HEPHL1: variants seen among roughly 807,000 people sequenced by gnomAD.
HEPHL1 encodes ferroxidase HEPHL1.
HEPHL1 carries 123 observed loss-of-function variants against 122.0 expected under a neutral mutation model. That is an observed-to-expected ratio of 1.01 (90% CI 0.87 to 1.17). The LOEUF (loss-of-function observed/expected upper bound fraction) is 1.17, where lower values mean the gene tolerates loss of function less well. Among genes scored for constraint, HEPHL1 ranks in the 50% most tolerant of loss-of-function variants. The pLI is 0.00. For synonymous variants in HEPHL1, 527 were observed against 508.9 expected, an observed-to-expected ratio of 1.04 and a Z score of -0.48; for missense variants, 1,452 against 1,430.5, an observed-to-expected ratio of 1.01 and a Z score of -0.24.
At chr11:94,103,124 T>A (rs894470688) in intron 15 of HEPHL1, 104 bp downstream of exon 15, 4 of 715,416 alleles carry the variant, frequency 5.6e-6, no homozygotes, top group Non-Finnish European at 1.0e-5. Flanking sequence ...GTATAATGAT[T>A]TAGAGCAAGG....
chr11:94,046,314 T>G (rs1015929595), intron 2 of HEPHL1, among the ~76,000 whole-genome samples: 5 of 151,114 alleles, frequency 3.3e-5, no homozygotes, highest in Non-Finnish European at 7.4e-5. Flanking sequence ...GCCAAGCTGG[T>G]CTCAACCTCC....
At chr11:94,065,331 T>C (rs1321502060) in intron 4 of HEPHL1, among the ~76,000 whole-genome samples, 2 of 152,214 alleles carry the variant, frequency 1.3e-5, no homozygotes, top group African/African-American at 4.8e-5. Context: ...CTGAAGATCA[T>C]CTAACGTCTC....
At chr11:94,035,368 C>T (rs1222510238) in intron 1 of HEPHL1, among the ~76,000 whole-genome samples, 1 of 152,182 alleles carries the variant, frequency 6.6e-6, no homozygotes, top group African/African-American at 2.4e-5. Flanking sequence ...AACATCTAGC[C>T]CAGTACTTTG....
At chr11:94,073,737 AC>A (rs1565355256) in intron 8 of HEPHL1, among the ~76,000 whole-genome samples, 1 of 152,098 alleles carries the variant, frequency 6.6e-6, no homozygotes, top group East Asian at 1.9e-4. Flanking sequence ...AAAGTAAGCT[AC>A]TTTCACAGTC....
In HEPHL1 at chr11:94,056,146, T is replaced by C. The variant is rs531833609; in HGVS notation, c.416-7362T>C. Among the ~76,000 whole-genome samples, 45 of 152,344 alleles carry C rather than the reference T, an allele frequency of 3.0e-4. 1 individual carries two copies. The South Asian group carries it at 9.3e-3, about 32-fold the overall frequency. On this transcript the variant is annotated intron_variant, in intron 2 of 19. Transcript: ENST00000315765. Reference sequence around the variant, plus strand: ...CGCGACAAAATATCTTTGTCTCTAATAGCATTTCTTGTCTTAAAATCTATT... The same window carrying C: ...CGCGACAAAATATCTTTGTCTCTAACAGCATTTCTTGTCTTAAAATCTATT...
intron 14 of HEPHL1, 102 bp downstream of exon 14, chr11:94,101,437 T>A: frequency 8.5e-7 from 1 of 1,172,642 alleles, no homozygotes; most frequent in Non-Finnish European, 1.2e-6. Flanking sequence ...AATGTCAATG[T>A]GTTTCAGCCA....
intron 1 of HEPHL1, among the ~76,000 whole-genome samples, chr11:94,044,925 A>AT (rs200512814): frequency 2.0e-5 from 3 of 151,246 alleles, no homozygotes; most frequent in East Asian, 2.0e-4. Flanking sequence ...ATGCCTGGCT[A>AT]TTTTTTTTAA....
At chr11:94,098,409 T>A (rs570710687) in intron 13 of HEPHL1, among the ~76,000 whole-genome samples, 9 of 152,344 alleles carry the variant, frequency 5.9e-5, no homozygotes, top group Admixed American at 5.2e-4. Flanking sequence ...CTTCCCTTTG[T>A]GGGTAACCCG....
chr11:94,074,441 G>GA lies in HEPHL1; in HGVS notation c.1505-726dup, dbSNP rs566084396. On this transcript the variant is annotated intron_variant, in intron 8 of 19. Transcript: ENST00000315765. ...GACCTTGTCTCTTAAAAAAATAAAA[G>GA]AAAAAAATGCTCAGAATGACTGTGT... Among the ~76,000 whole-genome samples, 723 of 144,014 alleles carry GA rather than the reference G, an allele frequency of 5.0e-3. 3 individuals carry two copies. Among genetic ancestry groups the GA allele is most frequent in the Admixed American group, 0.011 (155 of 14,444 alleles). The allele number at this position is 144,014 out of a possible 152,430, so 94.5% of individuals were successfully genotyped here. A position where few individuals can be genotyped will look rare whatever the true frequency, so the allele number is the denominator to read the frequency against.
At position 94,104,695 on chromosome 11, in the gene HEPHL1, A is replaced by T. The variant is rs549806951; in HGVS notation, c.2850A>T (p.Lys950Asn). The change falls in exon 16 of 20, where the codon AAA (lysine) becomes AAT (asparagine). Residue 950 changes from lysine to asparagine, a missense_variant. Transcript: ENST00000315765. ...ACAATATTAAGAAGTATCTCAACAA[A>T]GATCCACGAGATTTTAAGCGCACTG... ...LDDNIKKYLNKDPRDFKRTDD... is the reference protein window; with the variant it reads ...LDDNIKKYLNNDPRDFKRTDD... 2 of 1,613,956 alleles carry T rather than the reference A, an allele frequency of 1.2e-6. No individual in the cohort carries two copies. Among genetic ancestry groups the T allele is most frequent in the Admixed American group, 3.3e-5 (2 of 60,036 alleles).
intron 1 of HEPHL1, among the ~76,000 whole-genome samples, chr11:94,044,521 A>T (rs1945816034): frequency 1.3e-5 from 2 of 152,138 alleles, no homozygotes; most frequent in African/African-American, 4.8e-5. Flanking sequence ...CCCGGAATTA[A>T]ACTTGTCAGT....
rs200632347 is a variant in HEPHL1 at position 94,093,523 on chromosome 11, C to T, written c.2317C>T (p.Arg773Cys). 1.2e-4 allele frequency: 198 copies of T among 1,613,084 alleles called. No individual in the cohort carries two copies. The highest frequency in any genetic ancestry group is 1.6e-4 in the Non-Finnish European group (183 of 1,179,636). ...GERHGDIFMN[R>C]TENWIGSQYK... ...CAGACATGGAGATATATTTATGAACCGCACTGAAAATTGGATTGGCTCTCA... is the reference window on the plus strand; with the variant it reads ...CAGACATGGAGATATATTTATGAACTGCACTGAAAATTGGATTGGCTCTCA... The change falls in exon 13 of 20, where the codon CGC (arginine) becomes TGC (cysteine). Residue 773 changes from arginine to cysteine, a missense_variant. Transcript: ENST00000315765.
intron 12 of HEPHL1, among the ~76,000 whole-genome samples, chr11:94,089,513 G>C (rs908609951): frequency 2.0e-5 from 3 of 152,188 alleles, no homozygotes; most frequent in Admixed American, 1.3e-4. Context: ...TGCAAGACTG[G>C]CCCTCCCTTA....
intron 1 of HEPHL1, among the ~76,000 whole-genome samples, chr11:94,045,198 G>A (rs1206802792): frequency 6.6e-6 from 1 of 152,234 alleles, no homozygotes; most frequent in South Asian, 2.1e-4. Flanking sequence ...GGACCACTAT[G>A]CCTGGCCTCC....
intron 13 of HEPHL1, among the ~76,000 whole-genome samples, chr11:94,098,908 A>G (rs1946343249): frequency 6.6e-6 from 1 of 152,128 alleles, no homozygotes; most frequent in Non-Finnish European, 1.5e-5. Flanking sequence ...CTAGTTAGCC[A>G]TTCATCTAAT....
chr11:94,055,290 C>A, intron 2 of HEPHL1: 1 of 287,918 alleles, frequency 3.5e-6, no homozygotes, highest in Non-Finnish European at 6.9e-6. Context: ...CTGTTTCACT[C>A]CCACCACTTC....
chr11:94,080,046 T>C (rs1946157285), intron 9 of HEPHL1, among the ~76,000 whole-genome samples: 1 of 152,152 alleles, frequency 6.6e-6, no homozygotes, highest in Non-Finnish European at 1.5e-5. Flanking sequence ...CTTCAAACTA[T>C]ACAACAAGGC....
chr11:94,099,202 G>T (rs1282065909), intron 13 of HEPHL1, among the ~76,000 whole-genome samples: 1 of 152,076 alleles, frequency 6.6e-6, no homozygotes, highest in East Asian at 1.9e-4. Context: ...GTGTGGATTT[G>T]CTCTCTGTTT....
At chr11:94,072,987 T>C in intron 6 of HEPHL1, 38 bp from the exon 7 acceptor site, 1 of 1,593,138 alleles carries the variant, frequency 6.3e-7, no homozygotes, top group Non-Finnish European at 8.6e-7. Context: ...GTGGATATGT[T>C]GAGAAGTGTC....
Sources: allele counts gnomAD v4.1 joint callset (sites outside exome capture counted in the v4.1 genomes callset), GRCh38; gene constraint gnomAD v4.1.1; transcripts MANE v1.5; gene names NCBI Gene and HGNC (gene_info 2026-07-23, HGNC 2026-07-21).